The following CNFN variants were observed in gnomAD, a reference collection of about 807,000 sequenced individuals.
The protein encoded by CNFN is cornefied envelope protein cornefilin.
In CNFN, 10 loss-of-function variants were observed where a neutral mutation model predicts 14.9. The observed-to-expected ratio is 0.67, with a 90% CI of 0.41 to 1.14. The LOEUF (loss-of-function observed/expected upper bound fraction) is 1.14, where lower values mean the gene tolerates loss of function less well. Ranked by LOEUF, CNFN falls within the 50% of genes most tolerant of loss-of-function variation. CNFN has a pLI of 0.00. For synonymous variants in CNFN, 66 were observed against 60.0 expected (o/e 1.10, Z -0.46); for missense variants, 165 against 152.8 (o/e 1.08, Z -0.42).
chr19:42,389,773 C>T (rs915320067), intron 1 of CNFN, among the ~76,000 whole-genome samples: 3 of 152,090 alleles, frequency 2.0e-5, no homozygotes, highest in Non-Finnish European at 4.4e-5. Flanking sequence ...TCCAACTGCC[C>T]GACAGATTGC....
At chr19:42,389,637 GGCACTGGGGGCTGGGCTCTCAGGGGGA>G in intron 1 of CNFN, 1 of 728,578 alleles carries the variant, frequency 1.4e-6, no homozygotes, top group East Asian at 7.0e-5. Flanking sequence ...AAGGGACTGG[GGCACTGGGGGCTGGGCTCTCAGGGGGA>G]GGGGAGCTGG....
chr19:42,387,242 C>T lies in CNFN; in HGVS notation c.250G>A (p.Gly84Ser), dbSNP rs761136981. 3 of 1,613,872 alleles carry T rather than the reference C, an allele frequency of 1.9e-6. No homozygotes were observed. The South Asian group carries it at 3.3e-5, about 18-fold the overall frequency. ...TGMRERYHIQ[G>S]SVGHDWAALT... ...GCCGCCCAGTCGTGCCCGACGGAGCCCTAGAGGGTAGGAGAGAGCGGTCAG... is the reference window on the plus strand; with the variant it reads ...GCCGCCCAGTCGTGCCCGACGGAGCTCTAGAGGGTAGGAGAGAGCGGTCAG... The change falls in exon 4 of 4, where the codon GGC becomes AGC. Residue 84 changes from glycine to serine, a missense_variant and splice_region_variant. Coordinates refer to ENST00000222032, the MANE Select transcript of CNFN (RefSeq NM_032488.4).
chr19:42,387,270 G>A, intron 3 of CNFN, 28 bp from the exon 4 acceptor site: 4 of 1,609,952 alleles, frequency 2.5e-6, no homozygotes, highest in Non-Finnish European at 3.4e-6. Flanking sequence ...GCGGTCAGGA[G>A]CCCCGCGGTG....
At chr19:42,387,580 C>A in intron 2 of CNFN, 104 bp from the exon 3 acceptor site, 3 of 803,796 alleles carry the variant, frequency 3.7e-6, no homozygotes, top group South Asian at 3.6e-5. Flanking sequence ...CATTGAGGGT[C>A]CCAGCCAAGG....
At chr19:42,388,885 A>G (rs377117282) in intron 2 of CNFN, 41 bp downstream of exon 2, 1 of 1,484,228 alleles carries the variant, frequency 6.7e-7, no homozygotes, top group Non-Finnish European at 9.3e-7. Context: ...CCCCAAACCC[A>G]TCTTCCACCA....
At chr19:42,387,548 C>A in intron 2 of CNFN, 72 bp from the exon 3 acceptor site, 2 of 1,212,488 alleles carry the variant, frequency 1.6e-6, no homozygotes, top group East Asian at 5.4e-5. Flanking sequence ...GGGGGGGGCG[C>A]GGTTGATTCG....
intron 1 of CNFN, 81 bp from the exon 2 acceptor site, chr19:42,389,120 G>A: frequency 1.8e-6 from 2 of 1,112,262 alleles, no homozygotes; most frequent in Non-Finnish European, 2.6e-6. Flanking sequence ...CCTTCCCTGT[G>A]CCGGGCAGTC....
Position 42,387,367 on chromosome 19 carries a change from G to A in CNFN, c.222C>T (p.Thr74=), listed in dbSNP as rs760270689. Residue 74 remains threonine, a synonymous_variant, in exon 3 of 4, where the codon ACC becomes ACT. Coordinates refer to ENST00000222032, the MANE Select transcript of CNFN (RefSeq NM_032488.4). ...GGATGTGGTAGCGCTCCCGCATGCC[G>A]GTGCGGATGGAGTGCAGGCCTCCGG... ...YLPGGLHSIR[T]GMRERYHIQG... 3 of 1,598,568 alleles carry A rather than the reference G, an allele frequency of 1.9e-6. No individual in the cohort carries two copies. Among genetic ancestry groups the A allele is most frequent in the South Asian group, 1.1e-5 (1 of 89,370 alleles).
Position 42,387,426 on chromosome 19 carries a change from C to T in CNFN, c.163G>A (p.Asp55Asn), listed in dbSNP as rs748701890. Residue 55 changes from aspartate (D) to asparagine (N), a missense_variant, in exon 3 of 4, where the codon GAC becomes AAC. Physicochemically the swap from Asp to Asn is conservative, Grantham distance 23. Coordinates refer to ENST00000222032, the MANE Select transcript of CNFN (RefSeq NM_032488.4). Reference protein sequence around the residue: ...PLCLACRISDDFGECCCAPYL... With the variant: ...PLCLACRISDNFGECCCAPYL... ...GGCGCGCAGCAGCACTCGCCAAAGT[C>T]GTCGGAGATGCGGCAGGCAAGGCAC... is the stretch of plus-strand genomic sequence containing the variant. The T allele has an allele frequency of 1.9e-6, 3 of 1,601,452 alleles. No homozygotes were observed. The highest frequency in any genetic ancestry group is 4.5e-5 in the East Asian group (2 of 44,204).
At chr19:42,389,135 C>T (rs945569203) in intron 1 of CNFN, 96 bp from the exon 2 acceptor site, 20 of 936,490 alleles carry the variant, frequency 2.1e-5, no homozygotes, top group African/African-American at 2.0e-4. Context: ...GCAGTCTGGG[C>T]GGGGCCGCCA....
intron 1 of CNFN, among the ~76,000 whole-genome samples, chr19:42,389,306 C>G (rs2039880327): frequency 6.6e-6 from 1 of 152,232 alleles, no homozygotes; most frequent in Non-Finnish European, 1.5e-5. Flanking sequence ...GGGACCACAT[C>G]TGGGTGGGGC....
At position 42,387,361 on chromosome 19, in the gene CNFN, C is replaced by A. The variant is rs371083630; in HGVS notation, c.228G>T (p.Met76Ile). Reference protein sequence around the residue: ...PGGLHSIRTGMRERYHIQGSV... With the variant: ...PGGLHSIRTGIRERYHIQGSV... ...GCACCTGGATGTGGTAGCGCTCCCGCATGCCGGTGCGGATGGAGTGCAGGC... is the reference window on the plus strand; with the variant it reads ...GCACCTGGATGTGGTAGCGCTCCCGAATGCCGGTGCGGATGGAGTGCAGGC... The change falls in exon 3 of 4, where the codon ATG becomes ATT. Residue 76 changes from methionine (M) to isoleucine (I), a missense_variant. By Grantham distance (10) the Met-to-Ile change is conservative (BLOSUM62 1). Coordinates refer to ENST00000222032, the MANE Select transcript of CNFN (RefSeq NM_032488.4). 128 of 1,597,734 alleles carry A rather than the reference C, an allele frequency of 8.0e-5. No homozygotes were observed. The highest frequency in any genetic ancestry group is 1.1e-4 in the Non-Finnish European group (124 of 1,173,456).
In CNFN at chr19:42,388,293, A is replaced by G. The variant is rs554666301; in HGVS notation, c.112+633T>C. The stretch of plus-strand genomic sequence containing the variant: ...ACTGCAACCTCTGTCTCCCGGGTTC[A>G]ATCAATTCTCTTTCTCAGCCTCCCG... On this transcript the variant is annotated intron_variant, in intron 2 of 3. Transcript: ENST00000222032. 5.3e-5 allele frequency among the ~76,000 whole-genome samples: 8 copies of G among 151,906 alleles called. No individual in the cohort carries two copies. In the South Asian group the frequency reaches 6.2e-4, roughly 12 times the overall value.
intron 2 of CNFN, among the ~76,000 whole-genome samples, chr19:42,388,251 T>TG (rs1473785045): frequency 6.6e-6 from 1 of 152,066 alleles, no homozygotes; most frequent in Non-Finnish European, 1.5e-5. Flanking sequence ...TGGAGTGCAG[T>TG]GGCGTGATCT....
intron 2 of CNFN, 138 bp from the exon 3 acceptor site, chr19:42,387,614 G>A (rs1458566252): frequency 3.6e-6 from 2 of 557,216 alleles, no homozygotes; most frequent in Admixed American, 3.7e-5. Context: ...GGAATTAGAG[G>A]TCCGAGGAGA....
Position 42,387,355 on chromosome 19 carries a change from C to A in CNFN, c.234G>T (p.Glu78Asp). The A allele has an allele frequency of 6.3e-7, 1 of 1,597,212 alleles. No individual in the cohort carries two copies. The highest frequency in any genetic ancestry group is 8.5e-7 in the Non-Finnish European group (1 of 1,173,088). ...GLHSIRTGMR[E>D]RYHIQGSVGH... The stretch of plus-strand genomic sequence containing the variant: ...CGGCGCGCACCTGGATGTGGTAGCG[C>A]TCCCGCATGCCGGTGCGGATGGAGT... Residue 78 changes from glutamate (E) to aspartate (D), a missense_variant, in exon 3 of 4, where the codon GAG becomes GAT. Glu to Asp is a conservative substitution (Grantham distance 45). Coordinates refer to ENST00000222032, the MANE Select transcript of CNFN (RefSeq NM_032488.4).
chr19:42,389,501 C>T lies in CNFN; in HGVS notation c.-2-462G>A, dbSNP rs1042695887. On this transcript the variant is annotated intron_variant, in intron 1 of 3. Transcript: ENST00000222032. Reference sequence around the variant, plus strand: ...CCAGCGGTCCCACCTTTGCCTTTCACGTTGTCGTGCATCTCAAACTGCATC... The same window carrying T: ...CCAGCGGTCCCACCTTTGCCTTTCATGTTGTCGTGCATCTCAAACTGCATC... The T allele has an allele frequency of 2.6e-5, 33 of 1,290,386 alleles. No individual in the cohort carries two copies. In the East Asian group the frequency reaches 6.1e-4, roughly 24 times the overall value. 79.9% of individuals were successfully genotyped at this position (1,290,386 alleles called of 1,614,324 possible). A position where few individuals can be genotyped will look rare whatever the true frequency, so the allele number is the denominator to read the frequency against.
intron 1 of CNFN, chr19:42,389,532 G>A: frequency 1.6e-6 from 2 of 1,290,138 alleles, no homozygotes; most frequent in Non-Finnish European, 2.0e-6. Flanking sequence ...GCATCTTGCT[G>A]GCCCTGAGGA....
rs1479396652 is a variant in CNFN at position 42,389,635 on chromosome 19, G to A, written c.-2-596C>T. On this transcript the variant is annotated intron_variant, in intron 1 of 3. Coordinates refer to ENST00000222032, the MANE Select transcript of CNFN (RefSeq NM_032488.4). ...ACTGGGGAGGTGGGGGCAAGGGACT[G>A]GGGCACTGGGGGCTGGGCTCTCAGG... 3 of 723,094 alleles carry A rather than the reference G, an allele frequency of 4.1e-6. No individual in the cohort carries two copies. In the African/African-American group the frequency reaches 5.5e-5, roughly 13 times the overall value. 44.8% of individuals were successfully genotyped at this position (723,094 alleles called of 1,614,324 possible).
Sources: gnomAD v4.1 joint callset for allele counts (sites outside exome capture counted in the v4.1 genomes callset) on GRCh38, gnomAD v4.1.1 for gene constraint, MANE v1.5 for transcripts, NCBI Gene and HGNC (gene_info 2026-07-23, HGNC 2026-07-21) for gene names.